TEX9: variants seen among roughly 807,000 people sequenced by gnomAD.
The protein encoded by TEX9 is testis-expressed protein 9.
A neutral mutation model predicts 59.6 loss-of-function variants in TEX9; 74 were observed. The ratio of observed to expected loss-of-function variants is 1.24; its 90% CI spans 1.03 to 1.51. The LOEUF (loss-of-function observed/expected upper bound fraction) is 1.51. TEX9 is among the 40% of genes most tolerant of loss of function. TEX9 has a pLI of 0.00. For missense variants in TEX9, 522 were observed against 447.8 expected (o/e 1.17, Z -1.49); for synonymous variants, 186 against 152.2 (o/e 1.22, Z -1.64).
intron 1 of TEX9, among the ~76,000 whole-genome samples, chr15:56,266,006 T>C (rs969197088): frequency 2.6e-5 from 4 of 152,240 alleles, no homozygotes; most frequent in African/African-American, 9.6e-5. Context: ...TTTGGACTTA[T>C]CTAATACCTT....
chr15:56,339,880 C>T (rs12440913), intron 1 of TEX9, among the ~76,000 whole-genome samples: 6,685 of 152,014 alleles, frequency 0.044, 224 homozygotes, highest in Admixed American at 0.086. Flanking sequence ...AGGAAGTGAG[C>T]GCTCACCAGA....
At chr15:56,279,845 T>C (rs1212788444) in intron 1 of TEX9, among the ~76,000 whole-genome samples, 1 of 152,170 alleles carries the variant, frequency 6.6e-6, no homozygotes, top group Non-Finnish European at 1.5e-5. Flanking sequence ...ATTTTAAAAA[T>C]GTGGCATGTC....
intron 1 of TEX9, among the ~76,000 whole-genome samples, chr15:56,296,798 G>A (rs1372151268): frequency 6.6e-6 from 1 of 152,170 alleles, no homozygotes; most frequent in Non-Finnish European, 1.5e-5. Flanking sequence ...CAGTAAACTG[G>A]TGAGTTCAAT....
intron 1 of TEX9, among the ~76,000 whole-genome samples, chr15:56,246,904 G>A (rs1371863472): frequency 1.3e-5 from 2 of 152,102 alleles, no homozygotes; most frequent in East Asian, 1.9e-4. Flanking sequence ...TACATCAGAG[G>A]GTTGCTATAA....
chr15:56,430,558 A>ACTAT (rs2050560815), intron 12 of TEX9, among the ~76,000 whole-genome samples: 1 of 152,112 alleles, frequency 6.6e-6, no homozygotes, highest in Non-Finnish European at 1.5e-5. Flanking sequence ...ATTAAAATTC[A>ACTAT]CTATCTTCTG....
intron 1 of TEX9, among the ~76,000 whole-genome samples, chr15:56,306,249 G>A (rs2045479723): frequency 1.8e-5 from 1 of 55,364 alleles, no homozygotes; most frequent in Non-Finnish European, 3.7e-5. Context: ...AGGCTGATAG[G>A]TACATAGCAA....
At chr15:56,349,053 G>A (rs1455695203) in intron 1 of TEX9, among the ~76,000 whole-genome samples, 1 of 151,964 alleles carries the variant, frequency 6.6e-6, no homozygotes, top group African/African-American at 2.4e-5. Flanking sequence ...GTTTCCATGA[G>A]TAGTTATAAT....
chr15:56,348,101 T>C (rs1274899648), intron 1 of TEX9, among the ~76,000 whole-genome samples: 1 of 152,166 alleles, frequency 6.6e-6, no homozygotes, highest in East Asian at 1.9e-4. Context: ...TATTGTGTTA[T>C]AATTTTACAA....
chr15:56,446,982 C>A (rs753932032), downstream of TEX9: 5 of 1,422,488 alleles, frequency 3.5e-6, no homozygotes, highest in Non-Finnish European at 4.9e-6. Flanking sequence ...ATGTTAGGAC[C>A]ATAAGAGAAT....
intron 12 of TEX9, chr15:56,430,099 A>AAAT (rs2050535636): frequency 6.6e-6 from 1 of 152,228 alleles, no homozygotes; most frequent in African/African-American, 2.4e-5. Context: ...ATAATAAAAT[A>AAAT]AATATGCACT....
At chr15:56,445,291 C>G (rs1401687184) in intron 12 of TEX9, among the ~76,000 whole-genome samples, 1 of 151,972 alleles carries the variant, frequency 6.6e-6, no homozygotes, top group African/African-American at 2.4e-5. Flanking sequence ...TGTCAAGAGA[C>G]AATCTTTCTT....
intron 1 of TEX9, among the ~76,000 whole-genome samples, chr15:56,321,548 T>C (rs1419642017): frequency 6.6e-6 from 1 of 152,094 alleles, no homozygotes; most frequent in Non-Finnish European, 1.5e-5. Flanking sequence ...AAAGGTAATT[T>C]ATGAAGGACA....
chr15:56,421,955 G>C (rs553047684), intron 10 of TEX9, among the ~76,000 whole-genome samples: 2 of 151,464 alleles, frequency 1.3e-5, no homozygotes, highest in Non-Finnish European at 2.9e-5. Flanking sequence ...ATAGCAGCAT[G>C]ATTTATAGTC....
At chr15:56,269,771 A>T (rs2044480375) in intron 1 of TEX9, among the ~76,000 whole-genome samples, 1 of 150,184 alleles carries the variant, frequency 6.7e-6, no homozygotes, top group Non-Finnish European at 1.5e-5. Context: ...CTCCTGCCTC[A>T]GCCTCTCAAG....
intron 10 of TEX9, among the ~76,000 whole-genome samples, chr15:56,420,507 C>G (rs1451673788): frequency 6.6e-6 from 1 of 151,694 alleles, no homozygotes; most frequent in African/African-American, 2.4e-5. Context: ...GGGGTTTCAC[C>G]ATGTTGGCCA....
chr15:56,367,807 A>T (rs1567101749), intron 2 of TEX9, among the ~76,000 whole-genome samples: 1 of 152,116 alleles, frequency 6.6e-6, no homozygotes, highest in Non-Finnish European at 1.5e-5. Flanking sequence ...AATAAGTGGA[A>T]TTTTTTCTAT....
chr15:56,413,288 A>AT (rs1369886543), intron 10 of TEX9, among the ~76,000 whole-genome samples: 27 of 916 alleles, frequency 0.029, no homozygotes, highest in Non-Finnish European at 0.075. Context: ...AAATAATTTA[A>AT]TAATAAATTA....
intron 1 of TEX9, among the ~76,000 whole-genome samples, chr15:56,337,479 G>T (rs1389603717): frequency 6.6e-6 from 1 of 152,196 alleles, no homozygotes; most frequent in Non-Finnish European, 1.5e-5. Flanking sequence ...GCCTGAGTCT[G>T]TGCAAGCAAC....
chr15:56,365,975 C>A, intron 2 of TEX9: 1 of 993,478 alleles, frequency 1.0e-6, no homozygotes, highest in Non-Finnish European at 1.3e-6. Flanking sequence ...CAGGAATTGC[C>A]ACGAATAGTT....
Sources: gnomAD v4.1 joint callset for allele counts (sites outside exome capture counted in the v4.1 genomes callset) on GRCh38, gnomAD v4.1.1 for gene constraint, MANE v1.5 for transcripts, NCBI Gene and HGNC (gene_info 2026-07-23, HGNC 2026-07-21) for gene names.